MARCO: variants seen among roughly 807,000 people sequenced by gnomAD.
The protein encoded by MARCO is macrophage receptor with collagenous structure.
Under a neutral mutation model 70.0 loss-of-function variants are expected in MARCO, and 72 were observed. That is an observed-to-expected ratio of 1.03 (90% confidence interval 0.85 to 1.25). The LOEUF is 1.25. Among genes scored for constraint, MARCO ranks in the 50% most tolerant of loss-of-function variants. The pLI, the probability that MARCO is intolerant of heterozygous loss-of-function variation, is 0.00. For missense variants in MARCO, 696 were observed against 659.3 expected (o/e 1.06, Z -0.61); for synonymous variants, 273 against 243.1 (o/e 1.12, Z -1.14).
Position 118,983,825 on chromosome 2 carries a change from C to G in MARCO, c.1063+1415C>G, listed in dbSNP as rs536834056. On this transcript the variant is annotated intron_variant, in intron 12 of 16. Coordinates refer to ENST00000327097, the MANE Select transcript of MARCO (RefSeq NM_006770.4). ...CTCTGCCCCCACCCCCACTGCCAGA[C>G]TAACGGTTCTCAACTAACCAAGAGT... is the stretch of plus-strand genomic sequence containing the variant. Among the ~76,000 whole-genome samples the G allele has an allele frequency of 4.6e-5, 7 of 152,208 alleles. No homozygotes were observed. In the South Asian group the frequency reaches 1.5e-3, roughly 32 times the overall value.
intron 7 of MARCO, 70 bp from the exon 8 acceptor site, chr2:118,977,758 C>A: frequency 8.4e-7 from 1 of 1,184,588 alleles, no homozygotes; most frequent in Non-Finnish European, 1.2e-6. Flanking sequence ...TGCTTCCTGC[C>A]CCTTTGCCTC....
At chr2:118,970,431 CAA>C in intron 3 of MARCO, 93 bp downstream of exon 3, 2 of 965,532 alleles carry the variant, frequency 2.1e-6, no homozygotes, top group South Asian at 1.5e-5. Flanking sequence ...CCTGTCCAAG[CAA>C]AGTGTGACCT....
Position 118,970,305 on chromosome 2 carries a change from C to A in MARCO, c.391C>A (p.Leu131Met), listed in dbSNP as rs1321105292. 3 of 1,613,862 alleles carry A rather than the reference C, an allele frequency of 1.9e-6. No individual in the cohort carries two copies. The highest frequency in any genetic ancestry group is 2.5e-6 in the Non-Finnish European group (3 of 1,179,946). The change falls in exon 3 of 17, where the codon CTG becomes ATG. Residue 131 changes from leucine (L) to methionine (M), a missense_variant. Physicochemically the swap from Leu to Met is conservative, Grantham distance 15 (BLOSUM62 2). This residue lies in a region of MARCO where 605 missense variants were observed against 537.6 expected (regional missense o/e 1.13). Coordinates refer to ENST00000327097, the MANE Select transcript of MARCO (RefSeq NM_006770.4). Reference protein sequence around the residue: ...TWVRVSHEHLLQRVDNFTQNP... With the variant: ...TWVRVSHEHLMQRVDNFTQNP... Reference sequence around the variant, plus strand: ...GGTCCGCGTCAGCCATGAGCACTTGCTGCAGCGGGTAGACAACTTCACTCA... The same window carrying A: ...GGTCCGCGTCAGCCATGAGCACTTGATGCAGCGGGTAGACAACTTCACTCA...
At chr2:118,952,954 C>A (rs528828222) in intron 1 of MARCO, 1 of 152,314 alleles carries the variant, frequency 6.6e-6, no homozygotes, top group South Asian at 2.1e-4. Flanking sequence ...AAAGGGTGCT[C>A]AATTGCAGAT....
intron 12 of MARCO, 69 bp downstream of exon 12, chr2:118,982,479 C>G: frequency 6.9e-7 from 1 of 1,459,738 alleles, no homozygotes; most frequent in Admixed American, 1.7e-5. Context: ...AGAAAAACTG[C>G]TTCTTCTTAG....
chr2:118,958,814 G>A (rs1025981244), intron 1 of MARCO, among the ~76,000 whole-genome samples: 7 of 152,098 alleles, frequency 4.6e-5, no homozygotes, highest in Admixed American at 4.6e-4. Flanking sequence ...ATAGCACATA[G>A]ACCAATGGAA....
chr2:118,992,601 G>A, intron 15 of MARCO, 125 bp downstream of exon 15: 1 of 797,698 alleles, frequency 1.3e-6, no homozygotes, highest in Non-Finnish European at 2.1e-6. Context: ...AGGAGTTGAG[G>A]GTCTAGTCCC....
intron 1 of MARCO, among the ~76,000 whole-genome samples, chr2:118,959,023 C>G (rs546641852): frequency 6.6e-6 from 1 of 152,174 alleles, no homozygotes; most frequent in Admixed American, 6.5e-5. Flanking sequence ...AGACCTGAAA[C>G]TGTAAACATT....
rs570322819 is a variant in MARCO, at chr2:118,971,640, C to A, written c.460+106C>A. 2.2e-4 allele frequency: 246 copies of A among 1,102,768 alleles called. 1 individual carries two copies. Among genetic ancestry groups the A allele is most frequent in the Non-Finnish European group, 2.8e-4 (206 of 744,284 alleles). The allele number at this position is 1,102,768 out of a possible 1,614,324, so 68.3% of individuals were successfully genotyped here. On this transcript the variant is annotated intron_variant, in intron 4 of 16. Transcript: ENST00000327097. ...GGTCTGGACAGCTGACCCTAGCTTA[C>A]CTTCCCCTGTCTCCACAGCCTCCTT...
At chr2:118,949,825 C>CCCGAGTTT (rs1679684658) in intron 1 of MARCO, 1 of 152,132 alleles carries the variant, frequency 6.6e-6, no homozygotes, top group African/African-American at 2.4e-5. Flanking sequence ...CCAAGGCTGG[C>CCCGAGTTT]CCGAGTTTCC....
At chr2:118,948,597 T>A (rs1679649164) in intron 1 of MARCO, among the ~76,000 whole-genome samples, 1 of 152,228 alleles carries the variant, frequency 6.6e-6, no homozygotes, top group Non-Finnish European at 1.5e-5. Context: ...CACAATTTAT[T>A]CTTCAACAAG....
intron 12 of MARCO, among the ~76,000 whole-genome samples, chr2:118,988,899 A>T (rs1350013680): frequency 1.3e-5 from 2 of 152,158 alleles, no homozygotes; most frequent in African/African-American, 4.8e-5. Flanking sequence ...TCATTTATTC[A>T]GCACTGGCTG....
At chr2:118,964,388 A>G (rs1680004528) in intron 1 of MARCO, among the ~76,000 whole-genome samples, 1 of 152,118 alleles carries the variant, frequency 6.6e-6, no homozygotes, top group Non-Finnish European at 1.5e-5. Flanking sequence ...TCCTCTAGTC[A>G]TTCTTTAAAG....
In MARCO at chr2:118,991,833, G is replaced by A. The variant is rs527481795; in HGVS notation, c.1165G>A (p.Ala389Thr). The stretch of plus-strand genomic sequence containing the variant: ...CCCAGGGCTGGCAGGTCCCAAGGGA[G>A]CCCCTGGACAAGCTGGCCAGAAGGG... ...GSPGLAGPKG[A>T]PGQAGQKGDQ... The change falls in exon 14 of 17, where the codon GCC becomes ACC. Residue 389 changes from alanine to threonine, a missense_variant. Physicochemically the swap from Ala to Thr is moderately conservative, Grantham distance 58. Around this residue, in one of 3 missense-constraint regions of MARCO, gnomAD observed 605 missense variants for 537.6 expected, o/e 1.13. Transcript: ENST00000327097. 6 of 1,601,258 alleles carry A rather than the reference G, an allele frequency of 3.7e-6. No individual in the cohort carries two copies. In the South Asian group the frequency reaches 5.7e-5, roughly 15 times the overall value.
At chr2:118,964,050 T>C (rs893324513) in intron 1 of MARCO, among the ~76,000 whole-genome samples, 1 of 152,214 alleles carries the variant, frequency 6.6e-6, no homozygotes, top group Non-Finnish European at 1.5e-5. Flanking sequence ...TATTGCAATA[T>C]ACATATGGAA....
chr2:118,977,324 G>A (rs758058557), intron 6 of MARCO, 147 bp from the exon 7 acceptor site: 2 of 582,274 alleles, frequency 3.4e-6, no homozygotes, highest in Non-Finnish European at 2.9e-6. Context: ...GAAAAAGAGA[G>A]AGAGAGAGAG....
intron 13 of MARCO, among the ~76,000 whole-genome samples, chr2:118,991,511 C>T (rs1389553509): frequency 1.4e-4 from 21 of 152,216 alleles, no homozygotes; most frequent in Admixed American, 1.3e-3. Context: ...AGAACTTCCA[C>T]ATAACTATGT....
At chr2:118,971,391 C>T in intron 3 of MARCO, 108 bp from the exon 4 acceptor site, 19 of 1,059,784 alleles carry the variant, frequency 1.8e-5, no homozygotes, top group Non-Finnish European at 2.8e-5. Context: ...ATGGGAGCCC[C>T]ACACAGGAGG....
intron 12 of MARCO, among the ~76,000 whole-genome samples, chr2:118,986,705 GAAAGAAAGAA>G (rs1680517465): frequency 1.2e-5 from 1 of 80,630 alleles, no homozygotes; most frequent in Non-Finnish European, 2.5e-5. Context: ...AAGAAAGAAA[GAAAGAAAGAA>G]AGAAAGAAAA....
Sources: gnomAD v4.1 joint callset for allele counts (sites outside exome capture counted in the v4.1 genomes callset) on GRCh38, gnomAD v4.1.1 for gene constraint, gnomAD v4.1.1 regional missense constraint, MANE v1.5 for transcripts, NCBI Gene and HGNC (gene_info 2026-07-23, HGNC 2026-07-21) for gene names.